Variants in STPG2 observed in about 807,000 individuals in gnomAD.
STPG2 encodes the protein sperm tail PG-rich repeat containing 2, also known as sperm-tail PG-rich repeat-containing protein 2.
In STPG2, 56 loss-of-function variants were observed where a neutral mutation model predicts 54.2. The ratio of observed to expected loss-of-function variants is 1.03; its 90% CI spans 0.83 to 1.29. STPG2 has a LOEUF of 1.29. Ranked by LOEUF, STPG2 falls within the 50% of genes most tolerant of loss-of-function variation. The pLI, the probability that STPG2 is intolerant of heterozygous loss-of-function variation, is 0.00. For missense variants in STPG2, 596 were observed against 544.9 expected, an observed-to-expected ratio of 1.09 and a Z score of -0.93; for synonymous variants, 200 against 181.8, an observed-to-expected ratio of 1.10 and a Z score of -0.81.
At chr4:97,861,967 CAT>C (rs1217404047) in intron 8 of STPG2, among the ~76,000 whole-genome samples, 1 of 152,018 alleles carries the variant, frequency 6.6e-6, no homozygotes, top group African/African-American at 2.4e-5. Context: ...ACTGCAAAAA[CAT>C]GCCAAATTGT....
chr4:97,876,335 T>C (rs1310117786), intron 8 of STPG2, among the ~76,000 whole-genome samples: 1 of 152,074 alleles, frequency 6.6e-6, no homozygotes, highest in Non-Finnish European at 1.5e-5. Flanking sequence ...CTAGAAAAGG[T>C]CTTAAACCCT....
At chr4:97,554,030 T>C (rs562720798), downstream of STPG2, among the ~76,000 whole-genome samples, 118 of 152,342 alleles carry the variant, frequency 7.7e-4, no homozygotes, top group African/African-American at 2.7e-3. Context: ...CTTACCGTTA[T>C]CTTTAACTCT....
intron 7 of STPG2, among the ~76,000 whole-genome samples, chr4:97,950,253 A>T (rs1241677990): frequency 2.0e-5 from 3 of 151,926 alleles, no homozygotes; most frequent in African/African-American, 7.3e-5. Flanking sequence ...AGGTTTGGCC[A>T]TTTTACATAA....
intron 4 of STPG2, among the ~76,000 whole-genome samples, chr4:97,465,102 A>G (rs9884571): frequency 0.24 from 35,781 of 152,076 alleles, 9,563 homozygotes; most frequent in African/African-American, 0.66. Context: ...GAGAAAGCAC[A>G]TGAATATGTG....
At chr4:98,049,640 A>C (rs1386382908) in intron 5 of STPG2, among the ~76,000 whole-genome samples, 1 of 152,240 alleles carries the variant, frequency 6.6e-6, no homozygotes, top group East Asian at 1.9e-4. Context: ...AAAATCAAGC[A>C]TGTATCTTGC....
At chr4:97,672,166 C>CTTTTTTT (rs70953079) in intron 10 of STPG2, among the ~76,000 whole-genome samples, 198 of 80,640 alleles carry the variant, frequency 2.5e-3, no homozygotes, top group Admixed American at 3.3e-3. Context: ...ACTGGTAATT[C>CTTTTTTT]TTTTTTTTTT....
At chr4:97,962,128 G>T (rs116756019) in intron 7 of STPG2, among the ~76,000 whole-genome samples, 2,268 of 152,226 alleles carry the variant, frequency 0.015, 51 homozygotes, top group African/African-American at 0.05. Context: ...AACATCTTAT[G>T]TTCTCATTCA....
intron 9 of STPG2, among the ~76,000 whole-genome samples, chr4:97,830,102 A>C (rs1728404596): frequency 6.6e-6 from 1 of 152,168 alleles, no homozygotes; most frequent in Non-Finnish European, 1.5e-5. Context: ...ATGAAGGAAA[A>C]AATGTTAAGG....
chr4:97,635,767 G>C (rs1326769379), intron 10 of STPG2, among the ~76,000 whole-genome samples: 2 of 151,994 alleles, frequency 1.3e-5, no homozygotes, highest in African/African-American at 4.8e-5. Context: ...ATGGTAAAGG[G>C]ATCAATTCAA....
chr4:98,018,745 G>T (rs536409214), intron 5 of STPG2, among the ~76,000 whole-genome samples: 1 of 151,838 alleles, frequency 6.6e-6, no homozygotes, highest in East Asian at 1.9e-4. Context: ...TTGTGGTTTT[G>T]ATTTGCATTT....
chr4:98,128,010 A>G (rs1318660716), intron 3 of STPG2, among the ~76,000 whole-genome samples: 1 of 152,236 alleles, frequency 6.6e-6, no homozygotes, highest in Non-Finnish European at 1.5e-5. Flanking sequence ...CTTCTGAGAT[A>G]CACAGACTAT....
rs189801002 is a variant in STPG2 at position 97,561,669 on chromosome 4, T to A, written c.1321-2552A>T. Among the ~76,000 whole-genome samples, 43 of 152,314 alleles carry A rather than the reference T, an allele frequency of 2.8e-4. No homozygotes were observed. In the East Asian group the frequency reaches 6.9e-3, roughly 25 times the overall value. ...TCAGTTTCAGCATATGGCTAGCCAG[T>A]TTTCCCAGCACCATTTATTAAATAG... is the stretch of plus-strand genomic sequence containing the variant. On this transcript the variant is annotated intron_variant, in intron 10 of 10. Transcript: ENST00000295268.
intron 10 of STPG2, among the ~76,000 whole-genome samples, chr4:97,709,252 G>A (rs1314910337): frequency 6.6e-6 from 1 of 151,564 alleles, no homozygotes; most frequent in Non-Finnish European, 1.5e-5. Context: ...ACAAAAAGGT[G>A]TTAATCTATA....
chr4:97,823,438 G>T (rs772034259), intron 9 of STPG2, among the ~76,000 whole-genome samples: 6 of 152,190 alleles, frequency 3.9e-5, no homozygotes, highest in Non-Finnish European at 8.8e-5. Context: ...TTACAGCATG[G>T]TTTACTAAAT....
intron 9 of STPG2, among the ~76,000 whole-genome samples, chr4:97,811,382 T>A (rs1727735110): frequency 6.6e-6 from 1 of 152,176 alleles, no homozygotes; most frequent in African/African-American, 2.4e-5. Context: ...TTTGATGAAT[T>A]TCCTTCATAA....
intron 8 of STPG2, among the ~76,000 whole-genome samples, chr4:97,929,564 C>T (rs540937186): frequency 1.7e-4 from 26 of 152,118 alleles, no homozygotes; most frequent in Non-Finnish European, 3.1e-4. Flanking sequence ...TTAATAATAG[C>T]CTTTCTCACT....
intron 10 of STPG2, among the ~76,000 whole-genome samples, chr4:97,661,040 T>TAA (rs200520840): frequency 6.6e-6 from 1 of 151,084 alleles, no homozygotes; most frequent in African/African-American, 2.4e-5. Context: ...AAAACCGATA[T>TAA]AAAAAAATAA....
At chr4:97,662,004 T>C (rs1473365323) in intron 10 of STPG2, among the ~76,000 whole-genome samples, 1 of 152,104 alleles carries the variant, frequency 6.6e-6, no homozygotes, top group Non-Finnish European at 1.5e-5. Context: ...TTTACTGCAG[T>C]TATTTATCAG....
At chr4:98,022,393 A>G (rs1368441439) in intron 5 of STPG2, among the ~76,000 whole-genome samples, 1 of 152,148 alleles carries the variant, frequency 6.6e-6, no homozygotes. Context: ...ATCCACTGTT[A>G]GTCTGATGGG....
Sources: allele counts gnomAD v4.1 joint callset (sites outside exome capture counted in the v4.1 genomes callset), GRCh38; gene constraint gnomAD v4.1.1; transcripts MANE v1.5; gene names NCBI Gene and HGNC (gene_info 2026-07-23, HGNC 2026-07-21).